The following DNAAF5 variants were observed in gnomAD, a reference collection of about 807,000 sequenced individuals.
The protein encoded by DNAAF5 is dynein axonemal assembly factor 5.
A neutral mutation model predicts 75.8 loss-of-function variants in DNAAF5; 64 were observed. The observed-to-expected ratio is 0.84, with a 90% CI of 0.69 to 1.04. DNAAF5 has a LOEUF of 1.04. DNAAF5 is among the 50% of genes least tolerant of loss of function. The pLI is 0.00. For missense variants in DNAAF5, 1,269 were observed against 1,178.5 expected (o/e 1.08, Z -1.12); for synonymous variants, 657 against 557.2 (o/e 1.18, Z -2.52).
intron 8 of DNAAF5, chr7:768,703 G>A (rs904311093): frequency 6.1e-6 from 1 of 163,094 alleles, no homozygotes. Context: ...TGGGAAGGCA[G>A]ACACGTGGCC....
intron 2 of DNAAF5, among the ~76,000 whole-genome samples, chr7:733,642 G>A (rs905359552): frequency 2.6e-5 from 4 of 152,026 alleles, no homozygotes; most frequent in South Asian, 2.1e-4. Flanking sequence ...GACTACAGGT[G>A]CCTGCCACCG....
intron 8 of DNAAF5, chr7:768,716 G>A (rs1464041916): frequency 1.8e-5 from 3 of 166,076 alleles, no homozygotes; most frequent in East Asian, 1.6e-4. Context: ...ACGTGGCCCA[G>A]GCGTCAGGTT....
chr7:762,291 G>A (rs930417638), intron 7 of DNAAF5, among the ~76,000 whole-genome samples: 2 of 152,150 alleles, frequency 1.3e-5, no homozygotes, highest in South Asian at 2.1e-4. Flanking sequence ...TTTGAGACCA[G>A]CCTGACCAAC....
intron 4 of DNAAF5, among the ~76,000 whole-genome samples, chr7:741,835 T>TG (rs940662880): frequency 7.9e-5 from 12 of 152,200 alleles, no homozygotes; most frequent in African/African-American, 2.9e-4. Context: ...TGCTGGTGGT[T>TG]GGGGGGTGTT....
chr7:783,764 C>A (rs535009272), intron 12 of DNAAF5, among the ~76,000 whole-genome samples: 1 of 152,096 alleles, frequency 6.6e-6, no homozygotes, highest in East Asian at 1.9e-4. Context: ...CTGCGCCCTC[C>A]CAGCTCTCCT....
intron 8 of DNAAF5, among the ~76,000 whole-genome samples, chr7:764,525 G>A (rs560317217): frequency 6.6e-6 from 1 of 152,328 alleles, no homozygotes; most frequent in South Asian, 2.1e-4. Context: ...TGCTCCACGG[G>A]CCGTGAACTC....
At chr7:732,615 A>T (rs1057086027) in intron 2 of DNAAF5, 4 of 455,926 alleles carry the variant, frequency 8.8e-6, no homozygotes, top group African/African-American at 8.0e-5. Flanking sequence ...CCTGCCAAGT[A>T]CCTGTTTGCC....
chr7:782,018 C>G (rs2128087097), intron 12 of DNAAF5, among the ~76,000 whole-genome samples: 1 of 152,394 alleles, frequency 6.6e-6, no homozygotes, highest in African/African-American at 2.4e-5. Flanking sequence ...CTGACTTTGC[C>G]TTTTGCCTCC....
At chr7:770,075 C>T (rs891578725) in intron 8 of DNAAF5, among the ~76,000 whole-genome samples, 6 of 151,692 alleles carry the variant, frequency 4.0e-5, no homozygotes. Context: ...CCTCAGCCTC[C>T]CAAGTAGATG....
In DNAAF5 at chr7:726,972, C is replaced by T. The variant is rs1781327820; in HGVS notation, c.252C>T (p.Cys84=). 1 of 1,305,082 alleles carries T rather than the reference C, an allele frequency of 7.7e-7. No homozygotes were observed. The highest frequency in any genetic ancestry group is 9.8e-7 in the Non-Finnish European group (1 of 1,022,536). The allele number at this position is 1,305,082 out of a possible 1,614,324, so 80.8% of individuals were successfully genotyped here. A position where few individuals can be genotyped will look rare whatever the true frequency, so the allele number is the denominator to read the frequency against. Residue 84 remains cysteine, a synonymous_variant, in exon 1 of 13, where the codon TGC becomes TGT. Transcript: ENST00000297440. ...ARLLLPRLLR[C]LSDPAEGCRA... is the part of the protein sequence containing the mutation. ...TACTGCTGCCGCGCTTGCTGCGCTG[C>T]CTGAGCGACCCCGCCGAGGGCTGCC...
intron 2 of DNAAF5, among the ~76,000 whole-genome samples, chr7:739,876 G>A (rs1781852381): frequency 1.3e-5 from 2 of 152,166 alleles, no homozygotes; most frequent in East Asian, 3.9e-4. Flanking sequence ...CACGCCATGG[G>A]CACAGCTGCT....
intron 2 of DNAAF5, among the ~76,000 whole-genome samples, chr7:735,564 C>T (rs1781717469): frequency 6.6e-6 from 1 of 152,194 alleles, no homozygotes; most frequent in Non-Finnish European, 1.5e-5. Context: ...TGTCGCTGCT[C>T]ACGATGTCAT....
At chr7:757,085 T>C in intron 6 of DNAAF5, 91 bp downstream of exon 6, 3 of 1,284,316 alleles carry the variant, frequency 2.3e-6, no homozygotes, top group Non-Finnish European at 2.1e-6. Context: ...TGGGTTGCCC[T>C]GTGCCGCCAG....
At chr7:767,225 C>T (rs7796281) in intron 8 of DNAAF5, among the ~76,000 whole-genome samples, 114,004 of 143,680 alleles carry the variant, frequency 0.79, 45,137 homozygotes, top group South Asian at 0.86. Flanking sequence ...GGCGACAGAG[C>T]GAGACTCGGT....
At chr7:758,593 G>A (rs1782556230) in intron 6 of DNAAF5, among the ~76,000 whole-genome samples, 1 of 152,128 alleles carries the variant, frequency 6.6e-6, no homozygotes. Context: ...TTATTTTTTT[G>A]TTTTAGGTTG....
intron 2 of DNAAF5, among the ~76,000 whole-genome samples, chr7:734,571 C>T (rs1465429952): frequency 1.3e-5 from 2 of 152,250 alleles, no homozygotes; most frequent in African/African-American, 4.8e-5. Flanking sequence ...GTTCTGGTAT[C>T]AGGGTAGTAC....
At chr7:743,028 G>A (rs1173395090) in intron 4 of DNAAF5, among the ~76,000 whole-genome samples, 1 of 152,190 alleles carries the variant, frequency 6.6e-6, no homozygotes, top group Non-Finnish European at 1.5e-5. Context: ...GTAGCCCGGG[G>A]TCAGGTCCTG....
Position 741,222 on chromosome 7 carries a change from T to A in DNAAF5, c.906-125T>A, listed in dbSNP as rs6943174. 5 of 743,758 alleles carry A rather than the reference T, an allele frequency of 6.7e-6. No homozygotes were observed. In the African/African-American group the frequency reaches 8.8e-5, roughly 13 times the overall value. The allele number at this position is 743,758 out of a possible 1,614,324, so 46.1% of individuals were successfully genotyped here. A position where few individuals can be genotyped will look rare whatever the true frequency, so the allele number is the denominator to read the frequency against. Reference sequence around the variant, plus strand: ...AGTGGAATTTCTGGTCCACCTTTTCTGGGGTTGGGGAGCTTCCCGCTCTCA... The same window carrying A: ...AGTGGAATTTCTGGTCCACCTTTTCAGGGGTTGGGGAGCTTCCCGCTCTCA... On this transcript the variant is annotated intron_variant, in intron 3 of 12. Coordinates refer to ENST00000297440, the MANE Select transcript of DNAAF5 (RefSeq NM_017802.4).
chr7:740,074 C>T (rs1781857924), intron 2 of DNAAF5, among the ~76,000 whole-genome samples: 1 of 152,144 alleles, frequency 6.6e-6, no homozygotes, highest in Admixed American at 6.5e-5. Flanking sequence ...CTCGTTCACA[C>T]CCCAGAGCTC....
Sources: allele counts gnomAD v4.1 joint callset (sites outside exome capture counted in the v4.1 genomes callset), GRCh38; gene constraint gnomAD v4.1.1; transcripts MANE v1.5; gene names NCBI Gene and HGNC (gene_info 2026-07-23, HGNC 2026-07-21).